The following ARID1B variants were observed in gnomAD, a reference collection of about 807,000 sequenced individuals.
ARID1B encodes AT-rich interactive domain-containing protein 1B.
Under a neutral mutation model 212.3 loss-of-function variants are expected in ARID1B, and 30 were observed. That is an observed-to-expected ratio of 0.14 (90% CI 0.11 to 0.19). The LOEUF is 0.19. Ranked by LOEUF, ARID1B falls within the 10% of genes least tolerant of loss-of-function variation. The pLI is 1.00. For missense variants in ARID1B, 2,891 were observed against 3,204.0 expected, an observed-to-expected ratio of 0.90 and a Z score of 2.36; for synonymous variants, 1,402 against 1,301.7, an observed-to-expected ratio of 1.08 and a Z score of -1.66.
chr6:156,844,251 TTTTTG>T (rs984429390), intron 2 of ARID1B, among the ~76,000 whole-genome samples: 19 of 152,188 alleles, frequency 1.2e-4, no homozygotes, highest in Non-Finnish European at 4.4e-5. Context: ...CTTGTTTGAT[TTTTTG>T]TTTTGTTTTG....
At chr6:157,042,659 CTTT>C (rs35567695) in intron 4 of ARID1B, among the ~76,000 whole-genome samples, 12 of 136,124 alleles carry the variant, frequency 8.8e-5, no homozygotes, top group Non-Finnish European at 9.5e-5. Flanking sequence ...CCCTCCACTC[CTTT>C]TTTTTTTTTT....
chr6:157,144,049 A>G (rs1243942868), intron 7 of ARID1B, among the ~76,000 whole-genome samples: 1 of 152,248 alleles, frequency 6.6e-6, no homozygotes, highest in African/African-American at 2.4e-5. Context: ...GGAGACGAAG[A>G]CCAGCTGCCG....
At chr6:157,039,973 C>T (rs1204027276) in intron 4 of ARID1B, among the ~76,000 whole-genome samples, 4 of 146,796 alleles carry the variant, frequency 2.7e-5, no homozygotes, top group South Asian at 2.2e-4. Flanking sequence ...CTTTCCAAGA[C>T]GGAGTCTCGC....
intron 15 of ARID1B, chr6:157,193,450 A>G (rs1170719036): frequency 6.6e-6 from 1 of 152,174 alleles, no homozygotes; most frequent in African/African-American, 2.4e-5. Flanking sequence ...AGTAACACTT[A>G]ATTATATCTC....
chr6:156,995,623 C>A (rs182915832), intron 4 of ARID1B, among the ~76,000 whole-genome samples: 1 of 152,336 alleles, frequency 6.6e-6, no homozygotes, highest in East Asian at 1.9e-4. Flanking sequence ...TTCTAGACTT[C>A]ACTGACATGG....
At chr6:157,050,361 T>C (rs1782516520) in intron 4 of ARID1B, among the ~76,000 whole-genome samples, 1 of 152,082 alleles carries the variant, frequency 6.6e-6, no homozygotes, top group Non-Finnish European at 1.5e-5. Flanking sequence ...CTAATCAACA[T>C]GGTGAAACCC....
intron 4 of ARID1B, among the ~76,000 whole-genome samples, chr6:157,019,952 G>A (rs183047029): frequency 1.3e-5 from 2 of 152,254 alleles, no homozygotes; most frequent in Admixed American, 1.3e-4. Context: ...TATGTTTCTA[G>A]AGCTAGAACC....
rs376387170 is a variant in ARID1B, at chr6:156,802,818, A to G, written c.1791+23347A>G. Among the ~76,000 whole-genome samples the G allele has an allele frequency of 7.9e-5, 12 of 152,376 alleles. No individual in the cohort carries two copies. In the East Asian group the frequency reaches 1.9e-3, roughly 24 times the overall value. Reference sequence around the variant, plus strand: ...GTTTATATTTCTAAGTATTTTTAGCATCTCATAAGCAAAGAGGTGGATGAA... The same window carrying G: ...GTTTATATTTCTAAGTATTTTTAGCGTCTCATAAGCAAAGAGGTGGATGAA... On this transcript the variant is annotated intron_variant, in intron 1 of 19. Coordinates refer to ENST00000636930, the MANE Select transcript of ARID1B (RefSeq NM_001374828.1).
chr6:157,065,077 T>C (rs1783583680), intron 4 of ARID1B, among the ~76,000 whole-genome samples: 1 of 152,246 alleles, frequency 6.6e-6, no homozygotes, highest in Admixed American at 6.5e-5. Context: ...AGTGTTTAAG[T>C]TAAAAGAGTA....
intron 7 of ARID1B, among the ~76,000 whole-genome samples, chr6:157,139,159 CTAAT>C (rs1056010128): frequency 3.3e-5 from 5 of 152,112 alleles, no homozygotes; most frequent in Non-Finnish European, 5.9e-5. Context: ...TCTTGTGAGG[CTAAT>C]TGTTTTACTG....
At chr6:157,099,067 A>G (rs113312252) in intron 5 of ARID1B, among the ~76,000 whole-genome samples, 140 of 152,236 alleles carry the variant, frequency 9.2e-4, no homozygotes, top group African/African-American at 3.2e-3. Flanking sequence ...AGGTTTAAGC[A>G]ATTCTCCTGA....
At chr6:156,883,017 T>C (rs1380237866) in intron 2 of ARID1B, among the ~76,000 whole-genome samples, 1 of 152,178 alleles carries the variant, frequency 6.6e-6, no homozygotes, top group Non-Finnish European at 1.5e-5. Context: ...AATTTCTGCA[T>C]TTTCTAAGGG....
intron 3 of ARID1B, among the ~76,000 whole-genome samples, chr6:156,923,932 C>T (rs369961811): frequency 3.9e-4 from 59 of 152,116 alleles, no homozygotes; most frequent in African/African-American, 1.3e-3. Context: ...TGATCTCAGG[C>T]GATCTTCCTG....
chr6:157,207,223 T>A lies in ARID1B; in HGVS notation c.6451T>A (p.Leu2151Met). The stretch of plus-strand genomic sequence containing the variant: ...CTTGAGGGATAACACGTTGGTCACG[T>A]TGGCCAACATTTCCGGGCAGCTAGA... Reference protein sequence around the residue: ...EVLRDNTLVTLANISGQLDLS... With the variant: ...EVLRDNTLVTMANISGQLDLS... Residue 2151 changes from leucine (L) to methionine (M), a missense_variant, in exon 20 of 20, where the codon TTG becomes ATG. By Grantham distance (15) the Leu-to-Met change is conservative (BLOSUM62 2). Coordinates refer to ENST00000636930, the MANE Select transcript of ARID1B (RefSeq NM_001374828.1). The surrounding 1 kb of genome is among the most constrained non-coding windows in gnomAD (Gnocchi z 8.5). 6.2e-7 allele frequency: 1 copy of A among 1,614,152 alleles called. No homozygotes were observed. Among genetic ancestry groups the A allele is most frequent in the South Asian group, 1.1e-5 (1 of 91,072 alleles).
intron 8 of ARID1B, among the ~76,000 whole-genome samples, chr6:157,156,828 G>C (rs1790606731): frequency 6.6e-6 from 1 of 152,192 alleles, no homozygotes; most frequent in Non-Finnish European, 1.5e-5. Context: ...GGAGGTTTGG[G>C]AGGCATGCTC....
At chr6:157,019,883 C>G (rs1478142707) in intron 4 of ARID1B, among the ~76,000 whole-genome samples, 1 of 152,182 alleles carries the variant, frequency 6.6e-6, no homozygotes, top group African/African-American at 2.4e-5. Context: ...TCCCACCAAG[C>G]CAAAAGAAAA....
intron 5 of ARID1B, among the ~76,000 whole-genome samples, chr6:157,110,163 A>G (rs1283845562): frequency 1.3e-5 from 2 of 152,174 alleles, no homozygotes; most frequent in African/African-American, 2.4e-5. Flanking sequence ...CAGCTCTCCT[A>G]CGTTTTCTTA....
intron 3 of ARID1B, among the ~76,000 whole-genome samples, chr6:156,931,423 G>A (rs959783089): frequency 4.6e-5 from 7 of 152,166 alleles, no homozygotes; most frequent in African/African-American, 1.2e-4. Context: ...TGTAGTAGAA[G>A]TGGGATACTA....
chr6:157,174,816 CA>C lies in ARID1B; in HGVS notation c.3346-30del, dbSNP rs759390432. 3.6e-6 allele frequency: 5 copies of C among 1,393,682 alleles called. No homozygotes were observed. In the African/African-American group the frequency reaches 7.7e-5, roughly 21 times the overall value. 86.3% of individuals were successfully genotyped at this position (1,393,682 alleles called of 1,614,324 possible). On this transcript the variant is annotated intron_variant, in intron 10 of 19. Coordinates refer to ENST00000636930, the MANE Select transcript of ARID1B (RefSeq NM_001374828.1). ...TAAATAAAGTTTGCCCTACCTTTGT[CA>C]TTTTTTTTTTTTTTATTCCTCTACC...
Sources: allele counts gnomAD v4.1 joint callset (sites outside exome capture counted in the v4.1 genomes callset), GRCh38; gene constraint gnomAD v4.1.1; non-coding constraint Gnocchi (gnomAD v3.1); transcripts MANE v1.5; gene names NCBI Gene and HGNC (gene_info 2026-07-23, HGNC 2026-07-21).